ADAMTSL3: variants seen among roughly 807,000 people sequenced by gnomAD.
ADAMTSL3 encodes ADAMTS like 3.
In ADAMTSL3, 128 loss-of-function variants were observed where a neutral mutation model predicts 201.7. The ratio of observed to expected loss-of-function variants is 0.63; its 90% CI spans 0.55 to 0.73. The LOEUF (loss-of-function observed/expected upper bound fraction) is 0.73, where lower values mean the gene tolerates loss of function less well. Among genes scored for constraint, ADAMTSL3 ranks in the 30% least tolerant of loss-of-function variants. The pLI is 0.00. For missense variants in ADAMTSL3, 1,990 were observed against 2,119.6 expected, an observed-to-expected ratio of 0.94 and a Z score of 1.20; for synonymous variants, 738 against 748.4, an observed-to-expected ratio of 0.99 and a Z score of 0.23.
chr15:83,721,410 A>G (rs1393235433), intron 3 of ADAMTSL3, among the ~76,000 whole-genome samples: 6 of 152,318 alleles, frequency 3.9e-5, no homozygotes, highest in African/African-American at 1.2e-4. Flanking sequence ...TCACAGTCAC[A>G]TTGTCCCATC....
At chr15:83,730,431 A>T (rs1345557603) in intron 3 of ADAMTSL3, among the ~76,000 whole-genome samples, 3 of 152,086 alleles carry the variant, frequency 2.0e-5, no homozygotes, top group East Asian at 3.9e-4. Flanking sequence ...ATGGTGAACC[A>T]GTAAGGGCTA....
intron 3 of ADAMTSL3, among the ~76,000 whole-genome samples, chr15:83,709,697 G>A (rs1464995282): frequency 6.6e-6 from 1 of 152,176 alleles, no homozygotes; most frequent in Non-Finnish European, 1.5e-5. Flanking sequence ...GACAAGCACA[G>A]TGTTTCTCAG....
intron 3 of ADAMTSL3, among the ~76,000 whole-genome samples, chr15:83,759,229 A>G (rs1013475413): frequency 1.4e-5 from 2 of 145,806 alleles, no homozygotes; most frequent in East Asian, 4.0e-4. Context: ...TTTGAATGAC[A>G]TTTTTTTTTT....
At chr15:83,808,397 T>TA (rs1596247009) in intron 5 of ADAMTSL3, among the ~76,000 whole-genome samples, 2 of 152,208 alleles carry the variant, frequency 1.3e-5, no homozygotes, top group Non-Finnish European at 2.9e-5. Flanking sequence ...TTAACATCAC[T>TA]AATCATCAGA....
chr15:83,814,137 G>A (rs1305494925), intron 5 of ADAMTSL3, among the ~76,000 whole-genome samples: 2 of 152,056 alleles, frequency 1.3e-5, no homozygotes, highest in African/African-American at 2.4e-5. Flanking sequence ...TGACCATTGC[G>A]GGATCCCTCA....
intron 3 of ADAMTSL3, among the ~76,000 whole-genome samples, chr15:83,756,740 C>T (rs1055917962): frequency 1.3e-5 from 2 of 152,156 alleles, no homozygotes; most frequent in Non-Finnish European, 2.9e-5. Flanking sequence ...GTCACTTCTG[C>T]CTATGAGCCT....
chr15:83,945,332 G>A (rs766323610), intron 19 of ADAMTSL3, among the ~76,000 whole-genome samples: 1 of 152,304 alleles, frequency 6.6e-6, no homozygotes, highest in East Asian at 1.9e-4. Context: ...ACTGATCCAG[G>A]TGAGACCACC....
chr15:83,801,645 AATATAAATATATATATAT>A lies in ADAMTSL3; in HGVS notation c.318-2999_318-2982del, dbSNP rs1400546661. 5.0e-4 allele frequency among the ~76,000 whole-genome samples: 22 copies of A among 43,902 alleles called. 1 individual carries two copies. Among genetic ancestry groups the A allele is most frequent in the Admixed American group, 8.8e-4 (2 of 2,260 alleles). The allele number at this position is 43,902 out of a possible 152,430, so 28.8% of individuals were successfully genotyped here. Reference sequence around the variant, plus strand: ...GAAATTTTATATATATAAATATATAAATATAAATATATATATATATATATATATATATATATATATATA... The same window carrying A: ...GAAATTTTATATATATAAATATATAAATATATATATATATATATATATATA... On this transcript the variant is annotated intron_variant, in intron 4 of 29. Transcript: ENST00000286744.
intron 3 of ADAMTSL3, among the ~76,000 whole-genome samples, chr15:83,715,415 A>T (rs1243264506): frequency 6.6e-6 from 1 of 152,192 alleles, no homozygotes; most frequent in East Asian, 1.9e-4. Flanking sequence ...AACATATATA[A>T]CATACACCTC....
chr15:83,703,631 T>C (rs943824064), intron 2 of ADAMTSL3, among the ~76,000 whole-genome samples: 1 of 152,106 alleles, frequency 6.6e-6, no homozygotes, highest in African/African-American at 2.4e-5. Context: ...GGAAGTGCCT[T>C]TCACCTCCTG....
chr15:83,704,314 T>C, intron 2 of ADAMTSL3, 75 bp from the exon 3 acceptor site: 1 of 1,597,552 alleles, frequency 6.3e-7, no homozygotes, highest in East Asian at 2.2e-5. Flanking sequence ...TCTCCTGGAA[T>C]GGCCTTCTTG....
intron 21 of ADAMTSL3, 50 bp from the exon 22 acceptor site, chr15:83,988,641 G>C (rs755857203): frequency 1.4e-6 from 2 of 1,480,892 alleles, no homozygotes; most frequent in Non-Finnish European, 1.8e-6. Context: ...TGTAGCCCTA[G>C]GTCAGTTAAA....
intron 15 of ADAMTSL3, among the ~76,000 whole-genome samples, chr15:83,904,811 G>C (rs898321965): frequency 6.6e-6 from 1 of 152,112 alleles, no homozygotes; most frequent in Non-Finnish European, 1.5e-5. Context: ...TAAGGAAATA[G>C]GGTGGACTTA....
At chr15:83,676,726 G>A (rs1307384196) in intron 2 of ADAMTSL3, among the ~76,000 whole-genome samples, 2 of 152,218 alleles carry the variant, frequency 1.3e-5, no homozygotes, top group Admixed American at 1.3e-4. Context: ...TATGGTATTA[G>A]GAAGTGGGAG....
chr15:83,744,963 G>A (rs2062520790), intron 3 of ADAMTSL3, among the ~76,000 whole-genome samples: 1 of 152,202 alleles, frequency 6.6e-6, no homozygotes, highest in Admixed American at 6.5e-5. Flanking sequence ...TGGAACCCCA[G>A]CCCAAAGTGA....
At chr15:83,965,576 A>C (rs963063897) in intron 19 of ADAMTSL3, among the ~76,000 whole-genome samples, 1 of 152,162 alleles carries the variant, frequency 6.6e-6, no homozygotes, top group African/African-American at 2.4e-5. Flanking sequence ...CTCCCACACA[A>C]TAATAGTGGG....
intron 7 of ADAMTSL3, among the ~76,000 whole-genome samples, chr15:83,853,906 C>CTCTATCTATCTATCTATCTA (rs36062109): frequency 1.4e-5 from 2 of 146,472 alleles, no homozygotes; most frequent in Non-Finnish European, 3.0e-5. Context: ...ATCACTCTAT[C>CTCTATCTATCTATCTATCTA]TCTATCTATC....
chr15:83,828,724 T>G (rs1263048796), intron 6 of ADAMTSL3, among the ~76,000 whole-genome samples: 2 of 152,090 alleles, frequency 1.3e-5, no homozygotes, highest in Non-Finnish European at 2.9e-5. Context: ...TTATTGAGAG[T>G]TTTTAGCATG....
At chr15:83,768,358 A>G (rs2062925031) in intron 3 of ADAMTSL3, among the ~76,000 whole-genome samples, 1 of 152,206 alleles carries the variant, frequency 6.6e-6, no homozygotes, top group Non-Finnish European at 1.5e-5. Context: ...TCCAGAGCAG[A>G]TTCCAACAAA....
Sources: allele counts gnomAD v4.1 joint callset (sites outside exome capture counted in the v4.1 genomes callset), GRCh38; gene constraint gnomAD v4.1.1; transcripts MANE v1.5; gene names NCBI Gene and HGNC (gene_info 2026-07-23, HGNC 2026-07-21).